Variants in AMMECR1 observed in about 807,000 individuals in gnomAD.
The protein encoded by AMMECR1 is nuclear protein AMMECR1.
A neutral mutation model predicts 22.5 loss-of-function variants in AMMECR1; 3 were observed. The observed-to-expected ratio is 0.13, with a 90% CI of 0.06 to 0.35. The LOEUF (loss-of-function observed/expected upper bound fraction) is 0.35, where lower values mean the gene tolerates loss of function less well. AMMECR1 is among the 10% of genes least tolerant of loss of function. The pLI, the probability that AMMECR1 is intolerant of heterozygous loss-of-function variation, is 1.00. For synonymous variants in AMMECR1, 130 were observed against 116.7 expected, an observed-to-expected ratio of 1.11 and a Z score of -0.74; for missense variants, 235 against 278.7, an observed-to-expected ratio of 0.84 and a Z score of 1.12.
chrX:110,341,325 C>T (rs2068163140), intron 2 of AMMECR1, among the ~76,000 whole-genome samples: 1 of 112,376 alleles, frequency 8.9e-6, no homozygotes, highest in Non-Finnish European at 1.9e-5. Context: ...CTGACTTCCA[C>T]TCTGATAGTT....
chrX:110,316,788 G>A (rs945882371), intron 1 of AMMECR1, among the ~76,000 whole-genome samples: 1 of 110,351 alleles, frequency 9.1e-6, no homozygotes, highest in Non-Finnish European at 1.9e-5. Flanking sequence ...AGTATAACAT[G>A]GATTTCTTAA....
intron 2 of AMMECR1, among the ~76,000 whole-genome samples, chrX:110,238,499 T>C (rs1445160578): frequency 8.9e-6 from 1 of 112,328 alleles, no homozygotes; most frequent in Non-Finnish European, 1.9e-5. Flanking sequence ...CCTCTCTAGA[T>C]TCCTCCTCTC....
At position 110,317,570 on chromosome X, in the gene AMMECR1, G is replaced by A. The variant is rs371075167; in HGVS notation, c.473+29C>T. ...TCTGAGCCCCATCCCGAGCGCAAGG[G>A]AGAGGGCGGCGGAGGGCACGGTACT... On this transcript the variant is annotated intron_variant, in intron 1 of 5. Transcript: ENST00000262844. 402 of 1,140,758 alleles carry A rather than the reference G, an allele frequency of 3.5e-4. 1 individual carries two copies. The highest frequency in any genetic ancestry group is 4.3e-4 in the Non-Finnish European group (372 of 859,172). The allele number at this position is 1,140,758 out of a possible 1,213,427, so 94.0% of individuals were successfully genotyped here. A position where few individuals can be genotyped will look rare whatever the true frequency, so the allele number is the denominator to read the frequency against.
In AMMECR1 at chrX:110,229,442, T is replaced by C. The variant is rs745633479; in HGVS notation, c.585-12810A>G. On this transcript the variant is annotated intron_variant, in intron 2 of 5. Coordinates refer to ENST00000262844, the MANE Select transcript of AMMECR1 (RefSeq NM_015365.3). ...AAATGTGCTGCTGAAATAGTGGCAA[T>C]TGCTGATTCTGTACTATGCTACATA... Among the ~76,000 whole-genome samples the C allele has an allele frequency of 3.7e-3, 415 of 112,291 alleles. 2 individuals are homozygous for C. The highest frequency in any genetic ancestry group is 0.013 in the African/African-American group (399 of 30,918).
At chrX:110,284,981 T>C (rs2067871651) in intron 1 of AMMECR1, among the ~76,000 whole-genome samples, 1 of 111,849 alleles carries the variant, frequency 8.9e-6, no homozygotes, top group African/African-American at 3.3e-5. Context: ...TACCATCCTT[T>C]AGACAGGGTT....
At position 110,230,771 on chromosome X, in the gene AMMECR1, C is replaced by A. The variant is rs185547371; in HGVS notation, c.585-14139G>T. 5.4e-5 allele frequency among the ~76,000 whole-genome samples: 6 copies of A among 111,342 alleles called. No homozygotes were observed. In the East Asian group the frequency reaches 1.7e-3, roughly 31 times the overall value. ...GATGTTCAAACTCATCGCAAGGAAG[C>A]TAAAAACCTTGAAAAAAGATTAGAC... is the stretch of plus-strand genomic sequence containing the variant. On this transcript the variant is annotated intron_variant, in intron 2 of 5. Transcript: ENST00000262844.
At chrX:110,266,203 A>AT in intron 1 of AMMECR1, among the ~76,000 whole-genome samples, 1 of 110,286 alleles carries the variant, frequency 9.1e-6, no homozygotes, top group East Asian at 2.8e-4. Context: ...TTTTTCTCCA[A>AT]TTGTTCTTGA....
intron 1 of AMMECR1, among the ~76,000 whole-genome samples, chrX:110,435,693 T>C (rs2068833999): frequency 8.9e-6 from 1 of 112,138 alleles, no homozygotes; most frequent in Admixed American, 9.5e-5. Context: ...TGAGGACTTC[T>C]ACTGATTTCT....
intron 2 of AMMECR1, among the ~76,000 whole-genome samples, chrX:110,418,703 G>A (rs1207950438): frequency 1.8e-5 from 2 of 111,743 alleles, no homozygotes; most frequent in Admixed American, 9.5e-5. Context: ...ATCAGAGACA[G>A]CGCATGGGAG....
chrX:110,393,759 G>A (rs1477233114), intron 2 of AMMECR1, among the ~76,000 whole-genome samples: 1 of 112,323 alleles, frequency 8.9e-6, no homozygotes, highest in Non-Finnish European at 1.9e-5. Flanking sequence ...TTTCCCCAGG[G>A]CCACTGTCCA....
intron 2 of AMMECR1, among the ~76,000 whole-genome samples, chrX:110,361,680 G>T (rs1007779558): frequency 1.8e-5 from 2 of 111,938 alleles, no homozygotes; most frequent in South Asian, 3.7e-4. Flanking sequence ...GCGCCTTCTC[G>T]CCATTCTCTA....
At chrX:110,306,703 C>G (rs967760919) in intron 1 of AMMECR1, 49 of 111,515 alleles carry the variant, frequency 4.4e-4, no homozygotes, top group African/African-American at 1.4e-3. Context: ...GGTGATCCGC[C>G]CGCCTTGGCT....
At chrX:110,297,019 G>A (rs182783994) in intron 1 of AMMECR1, among the ~76,000 whole-genome samples, 362 of 111,353 alleles carry the variant, frequency 3.3e-3, no homozygotes, top group Non-Finnish European at 5.6e-3. Context: ...AAAGTTTATT[G>A]TTATTGTTTG....
chrX:110,292,585 T>C (rs183385712), intron 1 of AMMECR1, among the ~76,000 whole-genome samples: 21 of 112,239 alleles, frequency 1.9e-4, no homozygotes, highest in African/African-American at 5.8e-4. Context: ...CTTAAATGCA[T>C]ATTGCCAAGT....
chrX:110,300,442 G>A (rs998446348), intron 1 of AMMECR1, among the ~76,000 whole-genome samples: 2 of 111,926 alleles, frequency 1.8e-5, no homozygotes, highest in South Asian at 7.3e-4. Flanking sequence ...TGTGGAAATC[G>A]GTTTTCTATT....
intron 2 of AMMECR1, among the ~76,000 whole-genome samples, chrX:110,364,726 A>T (rs16985963): frequency 0.05 from 5,544 of 111,504 alleles, 341 homozygotes; most frequent in African/African-American, 0.17. Context: ...TAAGCATCCC[A>T]CAGCCTGCCA....
intron 2 of AMMECR1, among the ~76,000 whole-genome samples, chrX:110,399,841 A>T (rs1214635504): frequency 8.9e-6 from 1 of 112,240 alleles, no homozygotes; most frequent in Non-Finnish European, 1.9e-5. Flanking sequence ...GAAGATAATT[A>T]AAAAATGTTC....
intron 3 of AMMECR1, among the ~76,000 whole-genome samples, chrX:110,204,997 T>C (rs773225249): frequency 1.1e-4 from 12 of 112,026 alleles, no homozygotes; most frequent in Non-Finnish European, 2.1e-4. Context: ...GTAAGTATAG[T>C]GGTTTTAAAG....
rs181051706 is a variant in AMMECR1 at position 110,314,624 on chromosome X, G to A, written c.473+2975C>T. On this transcript the variant is annotated intron_variant, in intron 1 of 5. Coordinates refer to ENST00000262844, the MANE Select transcript of AMMECR1 (RefSeq NM_015365.3). ...TGGCACAGTGGATCCCTTTATAGTA[G>A]CAAACAGGTTCCTATAAAATAGCTA... 6.3e-5 allele frequency among the ~76,000 whole-genome samples: 7 copies of A among 111,996 alleles called. No homozygotes were observed. In the East Asian group the frequency reaches 1.7e-3, roughly 27 times the overall value.
Sources: allele counts gnomAD v4.1 joint callset (sites outside exome capture counted in the v4.1 genomes callset), GRCh38; gene constraint gnomAD v4.1.1; transcripts MANE v1.5; gene names NCBI Gene and HGNC (gene_info 2026-07-23, HGNC 2026-07-21).